The following ZDHHC9 variants were observed in gnomAD, a reference collection of about 807,000 sequenced individuals.
The protein encoded by ZDHHC9 is zDHHC palmitoyltransferase 9.
ZDHHC9 carries 3 observed loss-of-function variants against 26.6 expected under a neutral mutation model. That is an observed-to-expected ratio of 0.11 (90% CI 0.05 to 0.29). ZDHHC9 has a LOEUF of 0.29. Among genes scored for constraint, ZDHHC9 ranks in the 10% least tolerant of loss-of-function variants. The pLI is 1.00. For synonymous variants in ZDHHC9, 111 were observed against 109.4 expected, an observed-to-expected ratio of 1.01 and a Z score of -0.09; for missense variants, 146 against 296.4, an observed-to-expected ratio of 0.49 and a Z score of 3.73.
intron 5 of ZDHHC9, among the ~76,000 whole-genome samples, chrX:129,816,003 T>C (rs1433562096): frequency 9.0e-6 from 1 of 111,629 alleles, no homozygotes; most frequent in Non-Finnish European, 1.9e-5. Context: ...CCACCCATAC[T>C]CAAGTCATTC....
At chrX:129,821,924 A>T (rs1307044682) in intron 5 of ZDHHC9, among the ~76,000 whole-genome samples, 3 of 110,678 alleles carry the variant, frequency 2.7e-5, no homozygotes, top group South Asian at 3.9e-4. Context: ...TCCATCTCAA[A>T]AAATAAATAA....
rs187481544 is a variant in ZDHHC9, at chrX:129,836,404, C to T, written c.167+5375G>A. 9.6e-4 allele frequency among the ~76,000 whole-genome samples: 107 copies of T among 111,675 alleles called. 1 individual carries two copies. The highest frequency in any genetic ancestry group is 4.6e-3 in the Middle Eastern group (1 of 216). Reference sequence around the variant, plus strand: ...GTTCAAGTGATTCTCCTGCCTCAGCCTCCCAAGTAGCTGGGAATACAGGTG... The same window carrying T: ...GTTCAAGTGATTCTCCTGCCTCAGCTTCCCAAGTAGCTGGGAATACAGGTG... On this transcript the variant is annotated intron_variant, in intron 3 of 10. Transcript: ENST00000357166.
At chrX:129,818,283 G>A (rs1025051878) in intron 5 of ZDHHC9, among the ~76,000 whole-genome samples, 1 of 111,881 alleles carries the variant, frequency 8.9e-6, no homozygotes, top group African/African-American at 3.3e-5. Flanking sequence ...CCAGCCTCCA[G>A]AATTGTGAGA....
intron 10 of ZDHHC9, among the ~76,000 whole-genome samples, chrX:129,808,192 G>C (rs1927563510): frequency 9.0e-6 from 1 of 111,680 alleles, no homozygotes; most frequent in Non-Finnish European, 1.9e-5. Flanking sequence ...ATTCCAGCTG[G>C]CTTCTTTTCA....
chrX:129,826,522 C>T (rs890620286), intron 4 of ZDHHC9, among the ~76,000 whole-genome samples: 6 of 111,912 alleles, frequency 5.4e-5, no homozygotes, highest in African/African-American at 2.0e-4. Flanking sequence ...CAGAAAAGAG[C>T]TAACTTTGTT....
At chrX:129,811,649 A>T (rs944162784) in intron 8 of ZDHHC9, 140 bp from the exon 9 acceptor site, 24 of 503,813 alleles carry the variant, frequency 4.8e-5, no homozygotes, top group Non-Finnish European at 7.3e-5. Flanking sequence ...GATAATAAAA[A>T]AGTTCTGGAA....
chrX:129,823,942 C>A, intron 4 of ZDHHC9, 105 bp from the exon 5 acceptor site: 1 of 770,846 alleles, frequency 1.3e-6, no homozygotes, highest in African/African-American at 2.0e-5. Context: ...GTTCCCCAAG[C>A]CCCCTGTCTT....
chrX:129,824,547 C>T (rs1927967882), intron 4 of ZDHHC9, among the ~76,000 whole-genome samples: 1 of 111,718 alleles, frequency 9.0e-6, no homozygotes, highest in Non-Finnish European at 1.9e-5. Flanking sequence ...GCCTCAGCCT[C>T]CCAAAGTGCT....
chrX:129,818,303 C>T (rs1212238084), intron 5 of ZDHHC9, among the ~76,000 whole-genome samples: 3 of 111,719 alleles, frequency 2.7e-5, no homozygotes, highest in Non-Finnish European at 5.6e-5. Context: ...AGAAAAATTC[C>T]CATTGTTTGA....
intron 5 of ZDHHC9, among the ~76,000 whole-genome samples, chrX:129,821,193 T>C (rs1036118979): frequency 1.5e-4 from 17 of 111,585 alleles, no homozygotes; most frequent in Non-Finnish European, 3.2e-4. Context: ...GTTGGGAATG[T>C]AAATTAGTTC....
intron 5 of ZDHHC9, among the ~76,000 whole-genome samples, chrX:129,819,064 T>C (rs1448255705): frequency 9.5e-6 from 1 of 105,537 alleles, no homozygotes; most frequent in Admixed American, 1.1e-4. Flanking sequence ...TCCCAGCTAC[T>C]CGGGAGGCTG....
chrX:129,821,294 T>C (rs1927878297), intron 5 of ZDHHC9, among the ~76,000 whole-genome samples: 1 of 105,771 alleles, frequency 9.5e-6, no homozygotes, highest in African/African-American at 3.7e-5. Flanking sequence ...ATAGACCTTC[T>C]TCTTTTTTTT....
At chrX:129,819,274 C>T (rs1301981890) in intron 5 of ZDHHC9, among the ~76,000 whole-genome samples, 1 of 109,203 alleles carries the variant, frequency 9.2e-6, no homozygotes, top group Non-Finnish European at 1.9e-5. Flanking sequence ...TGGTCTATCT[C>T]CTGCTGAGGA....
intron 8 of ZDHHC9, among the ~76,000 whole-genome samples, chrX:129,812,502 C>T (rs1221782428): frequency 8.9e-6 from 1 of 112,326 alleles, no homozygotes; most frequent in African/African-American, 3.2e-5. Flanking sequence ...TGTATACCCA[C>T]CCAACTTTTC....
intron 3 of ZDHHC9, among the ~76,000 whole-genome samples, chrX:129,839,569 G>A (rs1371774126): frequency 1.8e-5 from 2 of 110,578 alleles, no homozygotes; most frequent in African/African-American, 6.6e-5. Context: ...CCACTATGTG[G>A]TGGACAGGAA....
chrX:129,813,735 T>A lies in ZDHHC9; in HGVS notation c.626-10A>T, dbSNP rs188156112. ...CCAATTTTCAAAGATTCTGTGAAATTGGATGGAAGAGTAGAGAGAAAAATT... is the reference window on the plus strand; with the variant it reads ...CCAATTTTCAAAGATTCTGTGAAATAGGATGGAAGAGTAGAGAGAAAAATT... On this transcript the variant is annotated splice_polypyrimidine_tract_variant and intron_variant, in intron 6 of 10. Coordinates refer to ENST00000357166, the MANE Select transcript of ZDHHC9 (RefSeq NM_016032.4). 867 of 1,204,828 alleles carry A rather than the reference T, an allele frequency of 7.2e-4. 1 individual carries two copies. The highest frequency in any genetic ancestry group is 3.0e-4 in the Non-Finnish European group (271 of 890,400).
In ZDHHC9 at chrX:129,811,518, T is replaced by TA. The variant is rs773716111; in HGVS notation, c.778-10dup. ...GTCCATGATCCTTTGATCTGCAAGA[T>TA]AAAAACCAAGGCTGACATTAAAAAT... On this transcript the variant is annotated splice_polypyrimidine_tract_variant and intron_variant, in intron 8 of 10. Transcript: ENST00000357166. 9 of 1,157,490 alleles carry TA rather than the reference T, an allele frequency of 7.8e-6. No individual in the cohort carries two copies. Among genetic ancestry groups the TA allele is most frequent in the Non-Finnish European group, 1.1e-5 (9 of 851,199 alleles).
intron 2 of ZDHHC9, 136 bp from the exon 3 acceptor site, chrX:129,842,216 A>G (rs1402905858): frequency 5.1e-6 from 2 of 393,278 alleles, no homozygotes; most frequent in Non-Finnish European, 8.9e-6. Context: ...TTTATTTCCA[A>G]TTCGTGTTTG....
intron 3 of ZDHHC9, among the ~76,000 whole-genome samples, chrX:129,831,717 G>A (rs931265822): frequency 1.2e-4 from 14 of 112,030 alleles, no homozygotes; most frequent in African/African-American, 4.5e-4. Flanking sequence ...GCAGCCAGTC[G>A]TCTCTAGTGA....
Sources: allele counts gnomAD v4.1 joint callset (sites outside exome capture counted in the v4.1 genomes callset), GRCh38; gene constraint gnomAD v4.1.1; transcripts MANE v1.5; gene names NCBI Gene and HGNC (gene_info 2026-07-23, HGNC 2026-07-21).